GRIA4: variants seen among roughly 807,000 people sequenced by gnomAD.
GRIA4 encodes glutamate ionotropic receptor AMPA type subunit 4, also known as glutamate receptor 4.
In GRIA4, 34 loss-of-function variants were observed where a neutral mutation model predicts 104.0. The ratio of observed to expected loss-of-function variants is 0.33; its 90% confidence interval spans 0.25 to 0.44. The LOEUF (loss-of-function observed/expected upper bound fraction) is 0.44. GRIA4 is among the 20% of genes least tolerant of loss of function. The pLI is 1.00. For missense variants in GRIA4, 750 were observed against 1,096.5 expected (o/e 0.68, Z 4.46); for synonymous variants, 386 against 381.9 (o/e 1.01, Z -0.13).
At chr11:105,819,276 T>A (rs983213697) in intron 4 of GRIA4, among the ~76,000 whole-genome samples, 1 of 152,204 alleles carries the variant, frequency 6.6e-6, no homozygotes, top group African/African-American at 2.4e-5. Flanking sequence ...ATCCTGGCTC[T>A]AACTCTTACT....
chr11:105,852,350 A>G (rs2135990758), intron 4 of GRIA4, among the ~76,000 whole-genome samples: 1 of 152,336 alleles, frequency 6.6e-6, no homozygotes, highest in Non-Finnish European at 1.5e-5. Flanking sequence ...GTTACTCCAC[A>G]GTGGAATGAA....
chr11:105,726,655 C>A (rs966114011), intron 3 of GRIA4, among the ~76,000 whole-genome samples: 4 of 152,040 alleles, frequency 2.6e-5, no homozygotes, highest in African/African-American at 7.2e-5. Context: ...TCTGGTGGGT[C>A]CCCCTCTGGA....
rs1950461394 is a variant in GRIA4, at chr11:105,610,941, T to TTA, written c.-56_-55dup. The TTA allele has an allele frequency of 2.0e-6, 2 of 1,023,812 alleles. No homozygotes were observed. Among genetic ancestry groups the TTA allele is most frequent in the Admixed American group, 3.5e-5 (2 of 56,938 alleles). The allele number at this position is 1,023,812 out of a possible 1,614,324, so 63.4% of individuals were successfully genotyped here. ...TCTTCAATGCTTCTCTGAACAGCCT[T>TTA]TAGGAAGAGTGCGAGAGAAAGAGAG... is the stretch of plus-strand genomic sequence containing the variant. On this transcript the variant is annotated 5_prime_UTR_variant, in exon 2 of 17. Coordinates refer to ENST00000282499, the MANE Select transcript of GRIA4 (RefSeq NM_000829.4).
intron 14 of GRIA4, among the ~76,000 whole-genome samples, chr11:105,954,761 A>G (rs1348157457): frequency 6.6e-6 from 1 of 151,906 alleles, no homozygotes; most frequent in African/African-American, 2.4e-5. Context: ...TGGTACCCCA[A>G]TTTAGAAAAA....
intron 4 of GRIA4, among the ~76,000 whole-genome samples, chr11:105,768,450 T>C (rs865889937): frequency 1.1e-4 from 16 of 151,960 alleles, no homozygotes; most frequent in South Asian, 2.1e-4. Context: ...GAGGATGAAA[T>C]CAACAACAAT....
At chr11:105,637,635 T>C (rs1951242298) in intron 3 of GRIA4, among the ~76,000 whole-genome samples, 1 of 152,140 alleles carries the variant, frequency 6.6e-6, no homozygotes, top group Admixed American at 6.6e-5. Flanking sequence ...GAGTGGTAAA[T>C]ACCTGCCTGT....
chr11:105,664,244 C>T (rs576889053), intron 3 of GRIA4, among the ~76,000 whole-genome samples: 4 of 149,654 alleles, frequency 2.7e-5, no homozygotes, highest in South Asian at 2.1e-4. Context: ...ATATAAATGA[C>T]GGGGCACTGG....
intron 4 of GRIA4, among the ~76,000 whole-genome samples, chr11:105,763,614 T>A (rs2135722606): frequency 6.6e-6 from 1 of 152,320 alleles, no homozygotes. Flanking sequence ...ATCCTTATCC[T>A]TTTCCAAGGT....
intron 3 of GRIA4, 25 bp from the exon 4 acceptor site, chr11:105,752,956 T>C (rs764242519): frequency 3.7e-6 from 6 of 1,605,636 alleles, no homozygotes; most frequent in Non-Finnish European, 5.1e-6. Flanking sequence ...TAATAGTTTG[T>C]GGTGTTTTCT....
At chr11:105,923,195 T>A (rs1233664525) in intron 11 of GRIA4, among the ~76,000 whole-genome samples, 1 of 152,160 alleles carries the variant, frequency 6.6e-6, no homozygotes, top group African/African-American at 2.4e-5. Flanking sequence ...TCTGACTCCA[T>A]TTTAATATCA....
At chr11:105,859,174 T>C (rs1945127026) in intron 4 of GRIA4, among the ~76,000 whole-genome samples, 1 of 152,128 alleles carries the variant, frequency 6.6e-6, no homozygotes, top group African/African-American at 2.4e-5. Flanking sequence ...TGTTAGCAAA[T>C]AAATAAGACA....
chr11:105,754,850 T>C (rs988020408), intron 4 of GRIA4, among the ~76,000 whole-genome samples: 1 of 152,210 alleles, frequency 6.6e-6, no homozygotes, highest in African/African-American at 2.4e-5. Flanking sequence ...GTGGTATTAT[T>C]TTAGAGGTTC....
intron 4 of GRIA4, among the ~76,000 whole-genome samples, chr11:105,859,698 G>A (rs1439871103): frequency 6.6e-6 from 1 of 152,012 alleles, no homozygotes; most frequent in East Asian, 1.9e-4. Flanking sequence ...ATGTGTGGGG[G>A]CCGTTTTTAT....
At position 105,796,100 on chromosome 11, in the gene GRIA4, G is replaced by T. The variant is rs375136487; in HGVS notation, c.487+42880G>T. ...ATTTTAAAATATATTTATATCAGGT[G>T]CTTCCATTTCAATTTTATCTTCAGC... On this transcript the variant is annotated intron_variant, in intron 4 of 16. Transcript: ENST00000282499. Among the ~76,000 whole-genome samples, 4 of 152,124 alleles carry T rather than the reference G, an allele frequency of 2.6e-5. No homozygotes were observed. The East Asian group carries it at 7.7e-4, about 29-fold the overall frequency.
intron 6 of GRIA4, among the ~76,000 whole-genome samples, chr11:105,891,806 G>A (rs970663786): frequency 6.6e-5 from 10 of 151,900 alleles, no homozygotes; most frequent in African/African-American, 2.2e-4. Context: ...AACATCCCAC[G>A]GCACAACTGC....
chr11:105,850,407 T>C (rs922054069), intron 4 of GRIA4, among the ~76,000 whole-genome samples: 5 of 152,230 alleles, frequency 3.3e-5, no homozygotes, highest in Admixed American at 2.0e-4. Context: ...ATTTGTGAAA[T>C]AGTCCTATGG....
chr11:105,847,170 C>T (rs1019724557), intron 4 of GRIA4, among the ~76,000 whole-genome samples: 1 of 152,138 alleles, frequency 6.6e-6, no homozygotes, highest in Admixed American at 6.5e-5. Flanking sequence ...AACTGTTCCA[C>T]CTCAGATCAT....
At position 105,736,275 on chromosome 11, in the gene GRIA4, C is replaced by G. The variant is rs576191749; in HGVS notation, c.248-16706C>G. 2.6e-5 allele frequency among the ~76,000 whole-genome samples: 4 copies of G among 152,196 alleles called. No homozygotes were observed. In the South Asian group the frequency reaches 8.3e-4, roughly 32 times the overall value. On this transcript the variant is annotated intron_variant, in intron 3 of 16. Transcript: ENST00000282499. ...CTGCTTCATTCATTTACATTACATT[C>G]CTAGGCCCTGTGGATGCTGTACTTT...
At chr11:105,857,346 C>T (rs1435915888) in intron 4 of GRIA4, among the ~76,000 whole-genome samples, 2 of 152,050 alleles carry the variant, frequency 1.3e-5, no homozygotes, top group Non-Finnish European at 2.9e-5. Flanking sequence ...CAAATTGTGC[C>T]AGACCAGAGA....
Sources: allele counts gnomAD v4.1 joint callset (sites outside exome capture counted in the v4.1 genomes callset), GRCh38; gene constraint gnomAD v4.1.1; transcripts MANE v1.5; gene names NCBI Gene and HGNC (gene_info 2026-07-23, HGNC 2026-07-21).